Variants in HDLBP observed in about 807,000 individuals in gnomAD.
The protein encoded by HDLBP is high density lipoprotein binding protein.
Under a neutral mutation model 137.3 loss-of-function variants are expected in HDLBP, and 30 were observed. That is an observed-to-expected ratio of 0.22 (90% CI 0.16 to 0.30). The LOEUF is 0.30. Ranked by LOEUF, HDLBP falls within the 10% of genes least tolerant of loss-of-function variation. HDLBP has a pLI of 1.00. For missense variants in HDLBP, 1,119 were observed against 1,667.3 expected (o/e 0.67, Z 5.73); for synonymous variants, 606 against 596.0 (o/e 1.02, Z -0.24).
At chr2:241,262,612 C>T in intron 5 of HDLBP, 99 bp downstream of exon 5, 1 of 866,124 alleles carries the variant, frequency 1.2e-6, no homozygotes, top group Non-Finnish European at 1.9e-6. Context: ...AACTGTCCCA[C>T]TGGTAGGAAG....
chr2:241,310,985 A>G (rs950572301), intron 1 of HDLBP, among the ~76,000 whole-genome samples: 1 of 152,104 alleles, frequency 6.6e-6, no homozygotes, highest in Non-Finnish European at 1.5e-5. Context: ...GTGGCGGTGC[A>G]TGCCTGTAGT....
Position 241,272,668 on chromosome 2 carries a change from C to T in HDLBP, c.-102-4127G>A, listed in dbSNP as rs1194223667. ...GGCCCCTCCCCCTCCGCGGCCTCCA[C>T]GTCAGCAGCCACCCCCCACCCCCCC... On this transcript the variant is annotated intron_variant, in intron 1 of 27. Coordinates refer to ENST00000310931, the MANE Select transcript of HDLBP (RefSeq NM_005336.6). This position sits in a 1 kb window ranked among gnomAD's most constrained non-coding sequence, Gnocchi z 5.6. 3.4e-6 allele frequency: 3 copies of T among 872,464 alleles called. No individual in the cohort carries two copies. The highest frequency in any genetic ancestry group is 4.1e-6 in the Non-Finnish European group (3 of 731,212). 54.0% of individuals were successfully genotyped at this position (872,464 alleles called of 1,614,324 possible).
At chr2:241,311,803 A>C (rs557724442) in intron 1 of HDLBP, among the ~76,000 whole-genome samples, 44 of 152,328 alleles carry the variant, frequency 2.9e-4, no homozygotes, top group Admixed American at 9.8e-4. Context: ...TAATATAAAC[A>C]ATCAATACTG....
chr2:241,264,645 T>C, intron 3 of HDLBP, 40 bp from the exon 4 acceptor site: 2 of 1,591,008 alleles, frequency 1.3e-6, no homozygotes, highest in Non-Finnish European at 1.7e-6. Flanking sequence ...GCACTACTTT[T>C]AGCATTACAT....
In HDLBP at chr2:241,273,215, G is replaced by A. The variant is rs891517724; in HGVS notation, c.-102-4674C>T. On this transcript the variant is annotated intron_variant, in intron 1 of 27. Coordinates refer to ENST00000310931, the MANE Select transcript of HDLBP (RefSeq NM_005336.6). Reference sequence around the variant, plus strand: ...CACATCGTAAACGGATGGCCACACTGGCACGAGGTCCTACAGCGCAGTGAG... The same window carrying A: ...CACATCGTAAACGGATGGCCACACTAGCACGAGGTCCTACAGCGCAGTGAG... 8 of 985,418 alleles carry A rather than the reference G, an allele frequency of 8.1e-6. No individual in the cohort carries two copies. In the Admixed American group the frequency reaches 3.1e-4, roughly 38 times the overall value. The allele number at this position is 985,418 out of a possible 1,614,324, so 61.0% of individuals were successfully genotyped here.
intron 1 of HDLBP, among the ~76,000 whole-genome samples, chr2:241,284,570 C>T (rs960695845): frequency 2.6e-5 from 4 of 152,208 alleles, no homozygotes; most frequent in African/African-American, 9.6e-5. Flanking sequence ...TAGAATATTA[C>T]ATAAACTTAG....
At chr2:241,289,617 GA>G (rs1023549623) in intron 1 of HDLBP, among the ~76,000 whole-genome samples, 1 of 152,142 alleles carries the variant, frequency 6.6e-6, no homozygotes, top group Non-Finnish European at 1.5e-5. Flanking sequence ...GGCAGAACAA[GA>G]AAACACTATT....
rs554558162 is a variant in HDLBP, at chr2:241,303,831, C to T, written c.-103+11739G>A. Among the ~76,000 whole-genome samples the T allele has an allele frequency of 7.9e-5, 12 of 152,268 alleles. No homozygotes were observed. In the South Asian group the frequency reaches 1.0e-3, roughly 13 times the overall value. ...AGAATATTACTTCTTTTTTTGGAGA[C>T]GGAGTCTCACTCTGTGACCCAGAAT... On this transcript the variant is annotated intron_variant, in intron 1 of 27. Coordinates refer to ENST00000310931, the MANE Select transcript of HDLBP (RefSeq NM_005336.6).
Position 241,250,051 on chromosome 2 carries a change from G to A in HDLBP, c.1373-71C>T, listed in dbSNP as rs1241328325. 5.5e-6 allele frequency: 8 copies of A among 1,467,748 alleles called. No homozygotes were observed. In the South Asian group the frequency reaches 1.1e-4, roughly 20 times the overall value. 90.9% of individuals were successfully genotyped at this position (1,467,748 alleles called of 1,614,324 possible). A position where few individuals can be genotyped will look rare whatever the true frequency, so the allele number is the denominator to read the frequency against. ...ATTCTGCCAATGACATAACTGGGCA[G>A]GACAGCGCTAAAGCGCTAAATAACC... On this transcript the variant is annotated intron_variant, in intron 11 of 27. Coordinates refer to ENST00000310931, the MANE Select transcript of HDLBP (RefSeq NM_005336.6).
intron 1 of HDLBP, among the ~76,000 whole-genome samples, chr2:241,278,726 A>T (rs1437768219): frequency 6.6e-6 from 1 of 152,258 alleles, no homozygotes; most frequent in African/African-American, 2.4e-5. Flanking sequence ...TTCACAGACA[A>T]TATAACTGTG....
chr2:241,255,683 A>G, intron 7 of HDLBP, 103 bp from the exon 8 acceptor site: 3 of 819,024 alleles, frequency 3.7e-6, no homozygotes, highest in Non-Finnish European at 6.3e-6. Context: ...GGCCCAGACT[A>G]TAGATGCTGA....
chr2:241,268,066 A>T (rs1405121704), intron 2 of HDLBP: 1 of 642,682 alleles, frequency 1.6e-6, no homozygotes, highest in East Asian at 1.4e-4. Context: ...TTCTTTACAC[A>T]ATTACGCATC....
chr2:241,229,812 G>T (rs1320102841), intron 27 of HDLBP, 21 bp downstream of exon 27: 3 of 1,450,268 alleles, frequency 2.1e-6, no homozygotes, highest in African/African-American at 2.8e-5. Context: ...GGACCCAGGA[G>T]GGCAGAAGCC....
intron 1 of HDLBP, chr2:241,269,049 GTTC>G (rs1334491254): frequency 6.6e-6 from 1 of 152,330 alleles, no homozygotes; most frequent in African/African-American, 2.4e-5. Flanking sequence ...CAGTTACTTT[GTTC>G]TTCTTGCTGT....
intron 1 of HDLBP, among the ~76,000 whole-genome samples, chr2:241,281,681 G>A (rs962698464): frequency 1.3e-5 from 2 of 152,154 alleles, no homozygotes; most frequent in African/African-American, 4.8e-5. Context: ...GATATGTGCT[G>A]TAAGTCTAAA....
chr2:241,307,301 C>T (rs567015110), intron 1 of HDLBP, among the ~76,000 whole-genome samples: 10 of 152,350 alleles, frequency 6.6e-5, no homozygotes, highest in African/African-American at 2.4e-4. Context: ...TTCATCGAGA[C>T]TGCTCACGCC....
intron 2 of HDLBP, chr2:241,267,711 G>C: frequency 6.5e-7 from 1 of 1,535,066 alleles, no homozygotes; most frequent in Non-Finnish European, 8.7e-7. Flanking sequence ...AGTGGTAGCT[G>C]CGTGACAGGA....
At chr2:241,294,491 C>T (rs1054693384) in intron 1 of HDLBP, among the ~76,000 whole-genome samples, 5 of 152,124 alleles carry the variant, frequency 3.3e-5, no homozygotes, top group Admixed American at 2.6e-4. Context: ...GACAGAGTCT[C>T]GCTCTGCTGC....
intron 1 of HDLBP, among the ~76,000 whole-genome samples, chr2:241,280,460 C>A (rs1437769813): frequency 6.6e-6 from 1 of 152,116 alleles, no homozygotes; most frequent in Admixed American, 6.5e-5. Flanking sequence ...TGTAAATTTG[C>A]CTTGTTCTTT....
Sources: allele counts gnomAD v4.1 joint callset (sites outside exome capture counted in the v4.1 genomes callset), GRCh38; gene constraint gnomAD v4.1.1; non-coding constraint Gnocchi (gnomAD v3.1); transcripts MANE v1.5; gene names NCBI Gene and HGNC (gene_info 2026-07-23, HGNC 2026-07-21).